The following WDR7 variants were observed in gnomAD, a reference collection of about 807,000 sequenced individuals.
WDR7 encodes WD repeat-containing protein 7.
WDR7 carries 46 observed loss-of-function variants against 169.4 expected under a neutral mutation model. The observed-to-expected ratio is 0.27, with a 90% confidence interval of 0.21 to 0.35. The LOEUF is 0.35. Among genes scored for constraint, WDR7 ranks in the 10% least tolerant of loss-of-function variants. The probability of loss-of-function intolerance (pLI) is 1.00; values close to 1 mark genes in which losing one functional copy is unlikely to be tolerated. For synonymous variants in WDR7, 612 were observed against 666.8 expected (o/e 0.92, Z 1.27); for missense variants, 1,534 against 1,859.3 (o/e 0.83, Z 3.22).
At chr18:57,022,187 TGCAGCA>T (rs1267675926) in intron 27 of WDR7, among the ~76,000 whole-genome samples, 1 of 152,260 alleles carries the variant, frequency 6.6e-6, no homozygotes, top group Non-Finnish European at 1.5e-5. Flanking sequence ...ACTGGGCTTT[TGCAGCA>T]GTGGTTCTTT....
chr18:57,027,434 CT>C lies in WDR7; in HGVS notation c.*228del, dbSNP rs1833667268. On this transcript the variant is annotated 3_prime_UTR_variant, in exon 28 of 28. Transcript: ENST00000254442. ...ACATGCTCTGCAGGATGTGGCCATC[CT>C]GTCACCAGGTAGTTTTTCCCTGCCA... 1.8e-6 allele frequency: 1 copy of C among 554,522 alleles called. No individual in the cohort carries two copies. The highest frequency in any genetic ancestry group is 3.1e-6 in the Non-Finnish European group (1 of 320,672). 34.4% of individuals were successfully genotyped at this position (554,522 alleles called of 1,614,324 possible). A position where few individuals can be genotyped will look rare whatever the true frequency, so the allele number is the denominator to read the frequency against.
chr18:56,952,779 C>T (rs1310167691), intron 25 of WDR7, among the ~76,000 whole-genome samples: 1 of 152,068 alleles, frequency 6.6e-6, no homozygotes, highest in Non-Finnish European at 1.5e-5. Context: ...GCTGTCAAGC[C>T]ATGAAAAGAC....
At chr18:56,742,549 A>G (rs1275219044) in intron 14 of WDR7, among the ~76,000 whole-genome samples, 1 of 152,234 alleles carries the variant, frequency 6.6e-6, no homozygotes, top group Admixed American at 6.5e-5. Context: ...GTTCAGTTAA[A>G]CATTTATTGA....
intron 20 of WDR7, among the ~76,000 whole-genome samples, chr18:56,817,343 C>CAAA (rs79929553): frequency 8.8e-4 from 62 of 70,644 alleles, no homozygotes; most frequent in African/African-American, 2.9e-3. Context: ...GACTCTGTCT[C>CAAA]AAAAAAAAAA....
At chr18:56,879,894 T>G in intron 20 of WDR7, 50 bp from the exon 21 acceptor site, 1 of 1,455,096 alleles carries the variant, frequency 6.9e-7, no homozygotes, top group Non-Finnish European at 9.5e-7. Context: ...TCATGTGTCT[T>G]TTTGTATATT....
chr18:56,840,609 C>T (rs1193639568), intron 20 of WDR7, among the ~76,000 whole-genome samples: 2 of 151,866 alleles, frequency 1.3e-5, no homozygotes, highest in Non-Finnish European at 1.5e-5. Flanking sequence ...TCATTTGAGC[C>T]CAGCAGTTTG....
At chr18:56,984,031 C>T (rs899537150) in intron 26 of WDR7, among the ~76,000 whole-genome samples, 2 of 143,402 alleles carry the variant, frequency 1.4e-5, no homozygotes, top group Admixed American at 1.4e-4. Flanking sequence ...AGCTAGGACA[C>T]GTCCTAATGC....
chr18:57,020,403 T>G (rs1345036871), intron 26 of WDR7, among the ~76,000 whole-genome samples: 2 of 152,238 alleles, frequency 1.3e-5, no homozygotes, highest in African/African-American at 4.8e-5. Context: ...GATCAGTTTC[T>G]TACCTTTCTA....
At chr18:56,892,567 A>G (rs1201459279) in intron 21 of WDR7, among the ~76,000 whole-genome samples, 1 of 151,982 alleles carries the variant, frequency 6.6e-6, no homozygotes, top group Non-Finnish European at 1.5e-5. Context: ...AGCCATACCC[A>G]TGTGTTTACG....
At chr18:56,768,098 T>C (rs1257070314) in intron 16 of WDR7, among the ~76,000 whole-genome samples, 1 of 152,216 alleles carries the variant, frequency 6.6e-6, no homozygotes, top group Non-Finnish European at 1.5e-5. Context: ...ATTTGTGACA[T>C]TGTCATGATG....
rs770964658 is a variant in WDR7, at chr18:56,938,632, G to C, written c.3931G>C (p.Glu1311Gln). The change falls in exon 24 of 28, where the codon GAA becomes CAA. Residue 1311 changes from glutamate (E) to glutamine (Q), a missense_variant. Physicochemically the swap from Glu to Gln is conservative, Grantham distance 29 (BLOSUM62 2). Coordinates refer to ENST00000254442, the MANE Select transcript of WDR7 (RefSeq NM_015285.3). ...RAKGEILRVI[E>Q]ILIEKMPTDV... ...TAAAGGGGAAATTTTGAGAGTCATTGAAATTCTTATTGAAAAGATGCCCAC... is the reference window on the plus strand; with the variant it reads ...TAAAGGGGAAATTTTGAGAGTCATTCAAATTCTTATTGAAAAGATGCCCAC... 6.2e-7 allele frequency: 1 copy of C among 1,613,570 alleles called. No individual in the cohort carries two copies. The highest frequency in any genetic ancestry group is 1.1e-5 in the South Asian group (1 of 90,896).
intron 19 of WDR7, among the ~76,000 whole-genome samples, chr18:56,800,619 G>A (rs952585240): frequency 3.1e-4 from 47 of 152,224 alleles, no homozygotes; most frequent in African/African-American, 1.1e-3. Flanking sequence ...TGTCCCCAAA[G>A]ACCCAGCGCC....
At chr18:56,999,774 G>A (rs1021179596) in intron 26 of WDR7, among the ~76,000 whole-genome samples, 2 of 152,096 alleles carry the variant, frequency 1.3e-5, no homozygotes, top group Non-Finnish European at 2.9e-5. Flanking sequence ...GAGGAAGGAT[G>A]GCAAGAAAAG....
At chr18:56,656,637 A>G (rs2024782515) in intron 1 of WDR7, among the ~76,000 whole-genome samples, 1 of 150,162 alleles carries the variant, frequency 6.7e-6, no homozygotes. Flanking sequence ...TGTGGTCTTA[A>G]TTTGCATTTC....
chr18:56,664,964 G>A (rs902662632), intron 1 of WDR7, among the ~76,000 whole-genome samples: 7 of 152,076 alleles, frequency 4.6e-5, no homozygotes, highest in African/African-American at 9.7e-5. Flanking sequence ...TGTTCAGAAC[G>A]CCATGTTGTG....
At chr18:56,975,978 C>T (rs568138796) in intron 26 of WDR7, among the ~76,000 whole-genome samples, 43 of 152,264 alleles carry the variant, frequency 2.8e-4, no homozygotes, top group African/African-American at 1.9e-4. Flanking sequence ...GAATGCCTGG[C>T]GTTACTTTCA....
intron 20 of WDR7, among the ~76,000 whole-genome samples, chr18:56,874,760 A>T (rs117602361): frequency 0.029 from 4,354 of 152,220 alleles, 98 homozygotes; most frequent in Middle Eastern, 0.048. Flanking sequence ...AACATCCAGA[A>T]CTAACTTTAA....
chr18:57,029,794 A>G (rs145253914), downstream of WDR7: 2 of 152,182 alleles, frequency 1.3e-5, no homozygotes, highest in Admixed American at 1.3e-4. Flanking sequence ...TGTATTGAAG[A>G]CTGTTTTTCT....
At chr18:56,775,129 C>T (rs552898276) in intron 16 of WDR7, among the ~76,000 whole-genome samples, 1 of 152,188 alleles carries the variant, frequency 6.6e-6, no homozygotes, top group South Asian at 2.1e-4. Context: ...CCACTCAATC[C>T]TAAACTTTTA....
Sources: gnomAD v4.1 joint callset for allele counts (sites outside exome capture counted in the v4.1 genomes callset) on GRCh38, gnomAD v4.1.1 for gene constraint, MANE v1.5 for transcripts, NCBI Gene and HGNC (gene_info 2026-07-23, HGNC 2026-07-21) for gene names.